Variants in SLC75A1 observed in about 807,000 individuals in gnomAD.
SLC75A1 encodes solute carrier family 75 member 1.
the SLC75A1 span, chr4:2,933,571 G>C: frequency 1.9e-6 from 3 of 1,613,846 alleles, no homozygotes; most frequent in East Asian, 4.5e-5. Context: ...CCATACCTCC[G>C]AACAGGACAC....
At chr4:2,932,034 C>T in the SLC75A1 span, 8 of 1,609,886 alleles carry the variant, frequency 5.0e-6, no homozygotes, top group African/African-American at 4.0e-5. Context: ...TTGGGTTGGT[C>T]GAGTCCTTAC....
the SLC75A1 span, chr4:2,933,455 G>C: frequency 1.7e-5 from 20 of 1,198,876 alleles, no homozygotes; most frequent in Non-Finnish European, 2.4e-5. Context: ...AGACATGCCA[G>C]CCCAGGGAGT....
the SLC75A1 span, chr4:2,931,285 A>T: frequency 1.3e-6 from 2 of 1,551,936 alleles, no homozygotes; most frequent in African/African-American, 1.4e-5. Context: ...CTGGTGGGAG[A>T]CATCGAGGAG....
At chr4:2,932,161 G>T in the SLC75A1 span, 2 of 1,599,404 alleles carry the variant, frequency 1.3e-6, no homozygotes, top group Non-Finnish European at 1.7e-6. Flanking sequence ...CGCCTGTGGG[G>T]ATGGCATTGG....
chr4:2,932,542 G>A, the SLC75A1 span: 7 of 1,612,904 alleles, frequency 4.3e-6, 1 homozygote, highest in South Asian at 7.7e-5. Context: ...AGCTGCACAG[G>A]GAGACCCAGG....
the SLC75A1 span, chr4:2,934,121 G>A: frequency 4.8e-6 from 3 of 624,654 alleles, no homozygotes; most frequent in Non-Finnish European, 8.3e-6. Flanking sequence ...CCAGGCAGCA[G>A]GAAACGCAGG....
the SLC75A1 span, chr4:2,931,017 G>C: frequency 1.9e-6 from 3 of 1,611,564 alleles, no homozygotes; most frequent in Non-Finnish European, 2.5e-6. Context: ...GCGAGGGCAG[G>C]TGCTTGGCCC....
At chr4:2,931,396 C>T in the SLC75A1 span, 2 of 1,550,676 alleles carry the variant, frequency 1.3e-6, no homozygotes, top group Non-Finnish European at 1.7e-6. Context: ...AGCAGCAGCC[C>T]CAGGCCCAGC....
the SLC75A1 span, chr4:2,930,711 C>G: frequency 9.4e-7 from 1 of 1,059,676 alleles, no homozygotes; most frequent in Non-Finnish European, 1.4e-6. Flanking sequence ...GAGCTTCCTG[C>G]TTAGGGGCCG....
At chr4:2,931,003 G>A in the SLC75A1 span, 1 of 1,612,202 alleles carries the variant, frequency 6.2e-7, no homozygotes, top group Admixed American at 1.7e-5. Flanking sequence ...CTGGCACTTG[G>A]GAGGCGAGGG....
chr4:2,932,315 GC>G, the SLC75A1 span: 1 of 1,597,030 alleles, frequency 6.3e-7, no homozygotes, highest in Non-Finnish European at 8.5e-7. Context: ...CAAGCCTCCA[GC>G]CCCTAGGCCT....
chr4:2,933,477 G>A, the SLC75A1 span: 1 of 1,399,974 alleles, frequency 7.1e-7, no homozygotes, highest in South Asian at 1.2e-5. Flanking sequence ...GGAAGGCAAG[G>A]ACCGAGAATT....
At chr4:2,933,020 C>A in the SLC75A1 span, 7 of 1,357,472 alleles carry the variant, frequency 5.2e-6, no homozygotes, top group African/African-American at 2.9e-5. Flanking sequence ...GGCCCACAGC[C>A]ACCTCCCTCT....
At chr4:2,933,156 C>T in the SLC75A1 span, 1 of 1,613,728 alleles carries the variant, frequency 6.2e-7, no homozygotes, top group East Asian at 2.2e-5. Context: ...GAGGTGGCCC[C>T]AGTGAGTGGC....
the SLC75A1 span, chr4:2,930,650 T>A: frequency 1.6e-6 from 1 of 621,462 alleles, no homozygotes; most frequent in East Asian, 2.8e-5. Context: ...AGCCTTGGAG[T>A]GCTGCAGCTC....
At chr4:2,931,961 G>C in the SLC75A1 span, 8 of 1,603,034 alleles carry the variant, frequency 5.0e-6, no homozygotes, top group African/African-American at 1.1e-4. Flanking sequence ...CGCGTGCTGA[G>C]AAGGCGACCA....
chr4:2,933,062 G>A, the SLC75A1 span: 101 of 1,579,474 alleles, frequency 6.4e-5, 1 homozygote, highest in Non-Finnish European at 7.9e-5. Flanking sequence ...TACTGGCTGG[G>A]TGGGAGGAGG....
chr4:2,933,292 C>A, the SLC75A1 span: 1 of 1,351,406 alleles, frequency 7.4e-7, no homozygotes, highest in East Asian at 2.4e-5. Context: ...TGTCCAGCCC[C>A]GTCCTGAGGG....
At chr4:2,933,188 G>C in the SLC75A1 span, 22 of 1,613,480 alleles carry the variant, frequency 1.4e-5, no homozygotes, top group Non-Finnish European at 1.9e-5. Context: ...CTGCAGGACA[G>C]AGAATGCCGA....
Sources: allele counts gnomAD v4.1 joint callset, GRCh38; gene constraint gnomAD v4.1.1; transcripts MANE v1.5; gene names NCBI Gene and HGNC (gene_info 2026-07-23, HGNC 2026-07-21).